The following DNAH8 variants were observed in gnomAD, a reference collection of about 807,000 sequenced individuals.
DNAH8 encodes axonemal beta dynein heavy chain 8.
In DNAH8, 382 loss-of-function variants were observed where a neutral mutation model predicts 562.1. The ratio of observed to expected loss-of-function variants is 0.68; its 90% CI spans 0.63 to 0.74. The LOEUF is 0.74. DNAH8 is among the 30% of genes least tolerant of loss of function. The pLI is 0.00. For synonymous variants in DNAH8, 1,881 were observed against 1,919.4 expected, an observed-to-expected ratio of 0.98 and a Z score of 0.52; for missense variants, 5,203 against 5,620.4, an observed-to-expected ratio of 0.93 and a Z score of 2.37.
At chr6:38,867,466 C>T (rs531313766) in intron 47 of DNAH8, among the ~76,000 whole-genome samples, 11 of 151,890 alleles carry the variant, frequency 7.2e-5, no homozygotes, top group Admixed American at 2.6e-4. Context: ...TTGTTTGGGC[C>T]GGGTGCCGTG....
chr6:38,929,375 CT>C, intron 74 of DNAH8, 135 bp from the exon 75 acceptor site: 1 of 877,566 alleles, frequency 1.1e-6, no homozygotes, highest in Non-Finnish European at 1.6e-6. Flanking sequence ...TTGTATGTTA[CT>C]TTAATTTTTT....
At position 38,772,971 on chromosome 6, in the gene DNAH8, C is replaced by CTTTTTTTTTTTTTTTTT. The variant is rs58784448; in HGVS notation, c.1764+2423_1764+2439dup. 1.4e-3 allele frequency among the ~76,000 whole-genome samples: 127 copies of CTTTTTTTTTTTTTTTTT among 88,068 alleles called. 11 individuals are homozygous for CTTTTTTTTTTTTTTTTT. Among genetic ancestry groups the CTTTTTTTTTTTTTTTTT allele is most frequent in the Non-Finnish European group, 1.8e-3 (85 of 47,948 alleles). 57.8% of individuals were successfully genotyped at this position (88,068 alleles called of 152,430 possible). On this transcript the variant is annotated intron_variant, in intron 12 of 92. Coordinates refer to ENST00000327475, the MANE Select transcript of DNAH8 (RefSeq NM_001206927.2). Reference sequence around the variant, plus strand: ...ATACCACCATGCCTAGCTAATTAAACTTTTTTTTTTTTTTTTTTTTTTTTT... The same window carrying CTTTTTTTTTTTTTTTTT: ...ATACCACCATGCCTAGCTAATTAAACTTTTTTTTTTTTTTTTTTTTTTTTTTTTTTTTTTTTTTTTTT...
In DNAH8 at chr6:38,779,963, T is replaced by C. The variant is rs1562756568; in HGVS notation, c.2040-3T>C. On this transcript the variant is annotated splice_region_variant and splice_polypyrimidine_tract_variant and intron_variant, in intron 14 of 92. Coordinates refer to ENST00000327475, the MANE Select transcript of DNAH8 (RefSeq NM_001206927.2). ...TTAACCATTCAGCTTTGATTACTTTTAGGTTTCAGAAGCTGAACATTCCCT... is the reference window on the plus strand; with the variant it reads ...TTAACCATTCAGCTTTGATTACTTTCAGGTTTCAGAAGCTGAACATTCCCT... The C allele has an allele frequency of 7.4e-6, 12 of 1,613,192 alleles. No individual in the cohort carries two copies. The highest frequency in any genetic ancestry group is 1.0e-5 in the Non-Finnish European group (12 of 1,179,276).
Position 38,722,893 on chromosome 6 carries a change from A to G in DNAH8, c.84A>G (p.Ser28=), listed in dbSNP as rs765662936. 1.3e-5 allele frequency: 21 copies of G among 1,611,988 alleles called. No individual in the cohort carries two copies. The highest frequency in any genetic ancestry group is 8.8e-5 in the South Asian group (8 of 90,992). Residue 28 remains serine (S), a synonymous_variant, in exon 2 of 93, where the codon TCA becomes TCG. Coordinates refer to ENST00000327475, the MANE Select transcript of DNAH8 (RefSeq NM_001206927.2). ...PSTEEAAPPR[S]EEEEAPRPPT... Reference sequence around the variant, plus strand: ...CGGAAGAGGCTGCCCCTCCCCGTTCAGAAGAGGAAGAGGCCCCGCGCCCTC... The same window carrying G: ...CGGAAGAGGCTGCCCCTCCCCGTTCGGAAGAGGAAGAGGCCCCGCGCCCTC...
chr6:38,854,822 G>GTA (rs1353889102), intron 41 of DNAH8, among the ~76,000 whole-genome samples: 1 of 149,850 alleles, frequency 6.7e-6, no homozygotes, highest in African/African-American at 2.5e-5. Context: ...TTTCTCTAGT[G>GTA]TATGTGTGTA....
chr6:39,011,729 A>G (rs895646845), intron 89 of DNAH8, among the ~76,000 whole-genome samples: 2 of 152,244 alleles, frequency 1.3e-5, no homozygotes, highest in Admixed American at 1.3e-4. Flanking sequence ...TGTCATAGCT[A>G]AGGCAACAAT....
intron 9 of DNAH8, among the ~76,000 whole-genome samples, chr6:38,755,020 T>G (rs1360194177): frequency 6.6e-6 from 1 of 152,110 alleles, no homozygotes; most frequent in Admixed American, 6.6e-5. Flanking sequence ...TCAAAGAAGT[T>G]TGATTTCTTT....
At chr6:38,817,523 A>T (rs966689295) in intron 26 of DNAH8, among the ~76,000 whole-genome samples, 1 of 152,220 alleles carries the variant, frequency 6.6e-6, no homozygotes, top group Non-Finnish European at 1.5e-5. Context: ...GGACTGGTCT[A>T]TCTGAATTGG....
At chr6:38,901,433 A>T (rs916853575) in intron 62 of DNAH8, among the ~76,000 whole-genome samples, 3 of 152,142 alleles carry the variant, frequency 2.0e-5, no homozygotes, top group Non-Finnish European at 4.4e-5. Context: ...TCCATTTATT[A>T]AAAAAGTCAT....
At chr6:38,780,557 A>G in intron 15 of DNAH8, among the ~76,000 whole-genome samples, 1 of 152,222 alleles carries the variant, frequency 6.6e-6, no homozygotes, top group East Asian at 1.9e-4. Flanking sequence ...GGACGAAGCT[A>G]GAGGCTATTA....
At chr6:38,777,215 G>A (rs1768156259) in intron 13 of DNAH8, among the ~76,000 whole-genome samples, 1 of 152,072 alleles carries the variant, frequency 6.6e-6, no homozygotes, top group South Asian at 2.1e-4. Context: ...GTAGGGTGGA[G>A]TTTACTTCCA....
chr6:38,729,203 A>AAAACAAAC lies in DNAH8; in HGVS notation c.526-666_526-659dup, dbSNP rs79234857. Among the ~76,000 whole-genome samples the AAAACAAAC allele has an allele frequency of 2.4e-3, 357 of 150,336 alleles. 1 individual carries two copies. The highest frequency in any genetic ancestry group is 6.5e-3 in the East Asian group (33 of 5,078). Reference sequence around the variant, plus strand: ...GGGTGACAGAGCGAAACTCCGTCTCAAAACAAACAAACAAACAAACAAACA... The same window carrying AAAACAAAC: ...GGGTGACAGAGCGAAACTCCGTCTCAAAACAAACAAACAAACAAACAAACAAACAAACA... On this transcript the variant is annotated intron_variant, in intron 3 of 92. Transcript: ENST00000327475.
intron 76 of DNAH8, among the ~76,000 whole-genome samples, chr6:38,933,500 A>G (rs1029397643): frequency 6.6e-6 from 1 of 152,312 alleles, no homozygotes; most frequent in South Asian, 2.1e-4. Flanking sequence ...AGCCTCCTAG[A>G]TAAGGTTTAC....
chr6:38,950,876 T>C (rs1356660495), intron 81 of DNAH8, among the ~76,000 whole-genome samples: 3 of 151,964 alleles, frequency 2.0e-5, no homozygotes, highest in Admixed American at 1.3e-4. Flanking sequence ...CTTTACCATA[T>C]CAATATTAAA....
chr6:38,840,317 G>A (rs1017824086), intron 33 of DNAH8, among the ~76,000 whole-genome samples: 1 of 152,120 alleles, frequency 6.6e-6, no homozygotes, highest in Admixed American at 6.5e-5. Context: ...TTTTAGATTT[G>A]AATGATCAAT....
In DNAH8 at chr6:38,923,464, C is replaced by A. The variant is rs113546539; in HGVS notation, c.10790+279C>A. The A allele has an allele frequency of 8.0e-3, 2,167 of 270,886 alleles. 29 individuals carry two copies. Among genetic ancestry groups the A allele is most frequent in the African/African-American group, 0.032 (1,476 of 45,628 alleles). 16.8% of individuals were successfully genotyped at this position (270,886 alleles called of 1,614,324 possible). On this transcript the variant is annotated intron_variant, in intron 72 of 92. Transcript: ENST00000327475. The stretch of plus-strand genomic sequence containing the variant: ...CTCCACTCCAGTTCTCTATGCTTCA[C>A]CTCAATGATTTTGAAAGTGTGGATC...
intron 80 of DNAH8, among the ~76,000 whole-genome samples, chr6:38,948,281 G>GA (rs2150624871): frequency 6.6e-6 from 1 of 152,132 alleles, no homozygotes; most frequent in Non-Finnish European, 1.5e-5. Flanking sequence ...TGCTATGTGA[G>GA]CCTTTGCTAT....
At chr6:38,820,234 T>C (rs1444244809) in intron 26 of DNAH8, among the ~76,000 whole-genome samples, 1 of 152,074 alleles carries the variant, frequency 6.6e-6, no homozygotes, top group African/African-American at 2.4e-5. Context: ...CAAAGATAGA[T>C]AACATACAGC....
At chr6:38,841,155 A>C (rs967273194) in intron 33 of DNAH8, among the ~76,000 whole-genome samples, 12 of 152,188 alleles carry the variant, frequency 7.9e-5, no homozygotes, top group African/African-American at 2.2e-4. Flanking sequence ...GCCGTAGCTC[A>C]TGCCTATAAT....
Sources: allele counts gnomAD v4.1 joint callset (sites outside exome capture counted in the v4.1 genomes callset), GRCh38; gene constraint gnomAD v4.1.1; transcripts MANE v1.5; gene names NCBI Gene and HGNC (gene_info 2026-07-23, HGNC 2026-07-21).